SAMD4B: variants seen among roughly 807,000 people sequenced by gnomAD.
SAMD4B encodes protein Smaug homolog 2.
Under a neutral mutation model 74.5 loss-of-function variants are expected in SAMD4B, and 5 were observed. That is an observed-to-expected ratio of 0.07 (90% confidence interval 0.04 to 0.14). The LOEUF is 0.14. Ranked by LOEUF, SAMD4B falls within the 10% of genes least tolerant of loss-of-function variation. The pLI is 1.00. For synonymous variants in SAMD4B, 373 were observed against 374.9 expected, an observed-to-expected ratio of 1.00 and a Z score of 0.06; for missense variants, 608 against 921.8, an observed-to-expected ratio of 0.66 and a Z score of 4.41.
chr19:39,353,702 A>G (rs1174251049), intron 1 of SAMD4B, among the ~76,000 whole-genome samples: 1 of 152,104 alleles, frequency 6.6e-6, no homozygotes, highest in Non-Finnish European at 1.5e-5. Flanking sequence ...CCCGGGTTCA[A>G]GCGTTTCTCC....
chr19:39,374,421 T>TGA lies in SAMD4B; in HGVS notation c.668-1227_668-1226dup, dbSNP rs1335233567. Among the ~76,000 whole-genome samples, 3 of 152,262 alleles carry TGA rather than the reference T, an allele frequency of 2.0e-5. No individual in the cohort carries two copies. In the East Asian group the frequency reaches 5.8e-4, roughly 29 times the overall value. The stretch of plus-strand genomic sequence containing the variant: ...ACTGCAGAAAAAAAATGGGAGGTAG[T>TGA]GAGGCCCCATAACAGGGTTGTTGAG... On this transcript the variant is annotated intron_variant, in intron 4 of 13. Transcript: ENST00000610417.
chr19:39,349,342 G>A (rs894548777), intron 1 of SAMD4B, among the ~76,000 whole-genome samples: 4 of 151,992 alleles, frequency 2.6e-5, no homozygotes, highest in Admixed American at 6.6e-5. Flanking sequence ...TAAACTTTTC[G>A]GGGGGAAGGG....
chr19:39,371,156 A>T (rs2077269551), intron 4 of SAMD4B, among the ~76,000 whole-genome samples: 1 of 152,342 alleles, frequency 6.6e-6, no homozygotes, highest in Admixed American at 6.5e-5. Context: ...AGGGTTCATG[A>T]TGTAAACCTC....
intron 1 of SAMD4B, among the ~76,000 whole-genome samples, chr19:39,344,751 A>G (rs984532194): frequency 1.2e-4 from 18 of 152,032 alleles, no homozygotes; most frequent in Non-Finnish European, 2.4e-4. Flanking sequence ...CCTTGTAAAG[A>G]TTCTTGAGAG....
At position 39,380,690 on chromosome 19, in the gene SAMD4B, C is replaced by T. The variant is rs377691539; in HGVS notation, c.1753C>T (p.Pro585Ser). 6.4e-5 allele frequency: 104 copies of T among 1,612,990 alleles called. No homozygotes were observed. Among genetic ancestry groups the T allele is most frequent in the Non-Finnish European group, 8.2e-5 (97 of 1,179,718 alleles). The change falls in exon 11 of 14, where the codon CCC becomes TCC. Residue 585 changes from proline (P) to serine (S), a missense_variant. Pro to Ser is a moderately conservative substitution (Grantham distance 74, BLOSUM62 -1). Coordinates refer to ENST00000610417, the MANE Select transcript of SAMD4B (RefSeq NM_001384574.2). ...CCCAATGCCTCCCCGGGCCCTCCCA[C>T]CCGGCCGGATGGGCCTCCTGAGCCC... ...QFPMPPRALP[P>S]GRMGLLSPSG...
Position 39,376,015 on chromosome 19 carries a change from G to A in SAMD4B, c.907+126G>A, listed in dbSNP as rs79438164. ...GGAGGGGACATGTCTGAGGGGAGTA[G>A]ATAGTCCCTGCTTTTAGGGCTCAGG... On this transcript the variant is annotated intron_variant, in intron 5 of 13. Coordinates refer to ENST00000610417, the MANE Select transcript of SAMD4B (RefSeq NM_001384574.2). 1.6e-4 allele frequency: 204 copies of A among 1,248,382 alleles called. 1 individual carries two copies. In the East Asian group the frequency reaches 5.0e-3, roughly 30 times the overall value. 77.3% of individuals were successfully genotyped at this position (1,248,382 alleles called of 1,614,324 possible).
At chr19:39,360,207 T>C (rs533086027) in intron 3 of SAMD4B, 2 of 151,542 alleles carry the variant, frequency 1.3e-5, no homozygotes, top group Non-Finnish European at 2.9e-5. Flanking sequence ...AATAAAAAAA[T>C]AAAATAAAAT....
Position 39,375,552 on chromosome 19 carries a change from T to C in SAMD4B, c.668-98T>C, listed in dbSNP as rs551906011. The C allele has an allele frequency of 6.7e-6, 10 of 1,485,166 alleles. No individual in the cohort carries two copies. The African/African-American group carries it at 7.0e-5, about 10-fold the overall frequency. 92.0% of individuals were successfully genotyped at this position (1,485,166 alleles called of 1,614,324 possible). On this transcript the variant is annotated intron_variant, in intron 4 of 13. Coordinates refer to ENST00000610417, the MANE Select transcript of SAMD4B (RefSeq NM_001384574.2). This position sits in a 1 kb window ranked among gnomAD's most constrained non-coding sequence, Gnocchi z 4.1. Reference sequence around the variant, plus strand: ...CAGGTCCCTTCCTCTTGGCAGGTTATGGGGCCAAACTGCCATCCTGGCACT... The same window carrying C: ...CAGGTCCCTTCCTCTTGGCAGGTTACGGGGCCAAACTGCCATCCTGGCACT...
downstream of SAMD4B, chr19:39,390,273 T>G (rs774450793): frequency 1.2e-6 from 2 of 1,612,998 alleles, no homozygotes; most frequent in South Asian, 2.2e-5. Context: ...TCAGGCAGAG[T>G]CCGGTGGGAA....
chr19:39,380,144 T>C (rs1298945571), intron 10 of SAMD4B, 60 bp downstream of exon 10: 5 of 1,338,010 alleles, frequency 3.7e-6, no homozygotes, highest in Non-Finnish European at 5.3e-6. Context: ...GGTTAGCAGA[T>C]CGTGCTTAGA....
Position 39,385,510 on chromosome 19 carries a change from C to A in SAMD4B, c.*1983C>A. 1 of 465,886 alleles carries A rather than the reference C, an allele frequency of 2.1e-6. No individual in the cohort carries two copies. 28.9% of individuals were successfully genotyped at this position (465,886 alleles called of 1,614,324 possible). A position where few individuals can be genotyped will look rare whatever the true frequency, so the allele number is the denominator to read the frequency against. ...GGACCCTGACCCTCTCCCGCTCCAG[C>A]CCCCTCCCCAGGCCCTCCTCCATGA... On this transcript the variant is annotated 3_prime_UTR_variant, in exon 14 of 14. Coordinates refer to ENST00000610417, the MANE Select transcript of SAMD4B (RefSeq NM_001384574.2).
chr19:39,365,643 A>T (rs920817140), intron 3 of SAMD4B, among the ~76,000 whole-genome samples: 2 of 152,202 alleles, frequency 1.3e-5, no homozygotes, highest in East Asian at 3.9e-4. Context: ...GTGTGACCTC[A>T]CCTTCCCAAA....
At chr19:39,349,916 T>C (rs952864023) in intron 1 of SAMD4B, 2 of 152,218 alleles carry the variant, frequency 1.3e-5, no homozygotes, top group African/African-American at 2.4e-5. Flanking sequence ...TTTCTTGCAT[T>C]GTTAAGAGCA....
Position 39,383,816 on chromosome 19 carries a change from C to T in SAMD4B, c.*289C>T. On this transcript the variant is annotated 3_prime_UTR_variant, in exon 14 of 14. Transcript: ENST00000610417. This position sits in a 1 kb window ranked among gnomAD's most constrained non-coding sequence, Gnocchi z 4.1. ...TCTCTCCTTTCCTTCCTCATCCCCA[C>T]CTGGTCCCATCCCACCCCTGCCTCC... is the stretch of plus-strand genomic sequence containing the variant. The T allele has an allele frequency of 2.6e-6, 3 of 1,161,380 alleles. No individual in the cohort carries two copies. The highest frequency in any genetic ancestry group is 2.2e-5 in the Admixed American group (1 of 46,106). The allele number at this position is 1,161,380 out of a possible 1,614,324, so 71.9% of individuals were successfully genotyped here. A position where few individuals can be genotyped will look rare whatever the true frequency, so the allele number is the denominator to read the frequency against.
chr19:39,376,540 G>A lies in SAMD4B; in HGVS notation c.1011G>A (p.Glu337=). 1 of 1,612,540 alleles carries A rather than the reference G, an allele frequency of 6.2e-7. No individual in the cohort carries two copies. The highest frequency in any genetic ancestry group is 2.2e-5 in the East Asian group (1 of 44,876). ...TGACACTGACTGAGCAGCACCTGGAGTCTCAGGTGAAGCCAAGGGGACCAT... is the reference window on the plus strand; with the variant it reads ...TGACACTGACTGAGCAGCACCTGGAATCTCAGGTGAAGCCAAGGGGACCAT... ...EMMTLTEQHL[E]SQNVTKGARH... The change falls in exon 6 of 14, where the codon GAG becomes GAA. Residue 337 remains glutamate, a synonymous_variant. Coordinates refer to ENST00000610417, the MANE Select transcript of SAMD4B (RefSeq NM_001384574.2).
At chr19:39,390,213 C>T, downstream of SAMD4B, 4 of 1,613,054 alleles carry the variant, frequency 2.5e-6, no homozygotes, top group East Asian at 2.2e-5. Flanking sequence ...ACCTCTGCTC[C>T]CAGCCCCACT....
Position 39,375,992 on chromosome 19 carries a change from A to G in SAMD4B, c.907+103A>G. 1 of 1,461,896 alleles carries G rather than the reference A, an allele frequency of 6.8e-7. No homozygotes were observed. Among genetic ancestry groups the G allele is most frequent in the East Asian group, 2.3e-5 (1 of 43,104 alleles). The allele number at this position is 1,461,896 out of a possible 1,614,324, so 90.6% of individuals were successfully genotyped here. A position where few individuals can be genotyped will look rare whatever the true frequency, so the allele number is the denominator to read the frequency against. ...CTGACACCTGCTTACCCCTCTGAGG[A>G]GGGGACATGTCTGAGGGGAGTAGAT... On this transcript the variant is annotated intron_variant, in intron 5 of 13. Coordinates refer to ENST00000610417, the MANE Select transcript of SAMD4B (RefSeq NM_001384574.2). The surrounding 1 kb of genome is among the most constrained non-coding windows in gnomAD (Gnocchi z 4.1).
Position 39,383,621 on chromosome 19 carries a change from T to C in SAMD4B, c.*94T>C. 2 of 1,613,168 alleles carry C rather than the reference T, an allele frequency of 1.2e-6. No homozygotes were observed. The highest frequency in any genetic ancestry group is 1.7e-6 in the Non-Finnish European group (2 of 1,179,718). On this transcript the variant is annotated 3_prime_UTR_variant, in exon 14 of 14. Transcript: ENST00000610417. This position sits in a 1 kb window ranked among gnomAD's most constrained non-coding sequence, Gnocchi z 4.1. ...TCTCCGCGACAGCGAGAGGGTGGGC[T>C]GGCTCAGCTATATATTCTAATATTT...
chr19:39,383,107 T>C lies in SAMD4B; in HGVS notation c.1973-101T>C, dbSNP rs1211447963. On this transcript the variant is annotated intron_variant, in intron 12 of 13. Coordinates refer to ENST00000610417, the MANE Select transcript of SAMD4B (RefSeq NM_001384574.2). This position sits in a 1 kb window ranked among gnomAD's most constrained non-coding sequence, Gnocchi z 4.1. ...CCGTTCTTCCCTCTCCCCCTCCATC[T>C]CTCTTGCTCCCTTCCCATACCAGCA... is the stretch of plus-strand genomic sequence containing the variant. 1 of 926,468 alleles carries C rather than the reference T, an allele frequency of 1.1e-6. No individual in the cohort carries two copies. The highest frequency in any genetic ancestry group is 1.6e-5 in the African/African-American group (1 of 61,776). The allele number at this position is 926,468 out of a possible 1,614,324, so 57.4% of individuals were successfully genotyped here. A position where few individuals can be genotyped will look rare whatever the true frequency, so the allele number is the denominator to read the frequency against.
Sources: gnomAD v4.1 joint callset for allele counts (sites outside exome capture counted in the v4.1 genomes callset) on GRCh38, gnomAD v4.1.1 for gene constraint, Gnocchi (gnomAD v3.1) non-coding constraint, MANE v1.5 for transcripts, NCBI Gene and HGNC (gene_info 2026-07-23, HGNC 2026-07-21) for gene names.